Variants in PRIM2 observed in about 807,000 individuals in gnomAD.
The protein encoded by PRIM2 is DNA primase subunit 2.
Under a neutral mutation model 67.3 loss-of-function variants are expected in PRIM2, and 39 were observed. That is an observed-to-expected ratio of 0.58 (90% CI 0.45 to 0.76). The LOEUF is 0.76. PRIM2 is among the 30% of genes least tolerant of loss of function. PRIM2 has a pLI of 0.00. For synonymous variants in PRIM2, 143 were observed against 198.7 expected (o/e 0.72, Z 2.36); for missense variants, 398 against 598.7 (o/e 0.66, Z 3.50).
chr6:57,304,767 A>C, the PRIM2 span, among the ~76,000 whole-genome samples: 2 of 152,212 alleles, frequency 1.3e-5, no homozygotes, highest in Non-Finnish European at 2.9e-5. Context: ...GAGAAGTAGA[A>C]GTAGATGAGA....
At chr6:57,465,213 C>T (rs1773144920) in intron 7 of PRIM2, among the ~76,000 whole-genome samples, 1 of 152,192 alleles carries the variant, frequency 6.6e-6, no homozygotes, top group South Asian at 2.1e-4. Context: ...GAAGACAGAG[C>T]CTCCCTTCTA....
intron 12 of PRIM2, among the ~76,000 whole-genome samples, chr6:57,611,355 T>C (rs1415194392): frequency 6.6e-6 from 1 of 152,190 alleles, no homozygotes; most frequent in Non-Finnish European, 1.5e-5. Context: ...TGGAGACACA[T>C]GTTTCCTGAT....
At chr6:57,418,419 A>T (rs1767580145) in intron 7 of PRIM2, among the ~76,000 whole-genome samples, 1 of 31,248 alleles carries the variant, frequency 3.2e-5, no homozygotes, top group Admixed American at 4.0e-4. Flanking sequence ...TTTTTTTTTA[A>T]CAGATTCTCA....
intron 7 of PRIM2, among the ~76,000 whole-genome samples, chr6:57,454,619 T>G (rs1380433161): frequency 6.6e-6 from 1 of 152,196 alleles, no homozygotes; most frequent in Non-Finnish European, 1.5e-5. Context: ...TTCTGTGGGA[T>G]TGGTGGTGAT....
At chr6:57,507,890 A>G (rs1335133699) in intron 8 of PRIM2, among the ~76,000 whole-genome samples, 4 of 152,200 alleles carry the variant, frequency 2.6e-5, no homozygotes, top group African/African-American at 7.2e-5. Flanking sequence ...GGAAAAACCT[A>G]TCATTACTAC....
chr6:57,409,231 A>G lies in PRIM2; in HGVS notation c.693+27063A>G, dbSNP rs868513132. On this transcript the variant is annotated intron_variant, in intron 7 of 13. Transcript: ENST00000615550. ...CGCTCTGTCGCCCAGGCTGGAGTAC[A>G]CTAGCACGATCTTGGCTCACTGCAA... Among the ~76,000 whole-genome samples the G allele has an allele frequency of 9.2e-5, 14 of 151,646 alleles. No individual in the cohort carries two copies. The Middle Eastern group carries it at 0.01, about 111-fold the overall frequency.
chr6:57,622,658 A>G (rs1392904557), intron 12 of PRIM2, among the ~76,000 whole-genome samples: 1 of 152,176 alleles, frequency 6.6e-6, no homozygotes. Context: ...TCACTCAACT[A>G]TTAATGATTT....
intron 12 of PRIM2, among the ~76,000 whole-genome samples, chr6:57,624,339 T>C (rs1269007259): frequency 2.6e-5 from 4 of 152,236 alleles, no homozygotes; most frequent in Admixed American, 2.6e-4. Context: ...AATCCTTTAA[T>C]CCAAAATGTT....
chr6:57,516,471 A>G (rs1195103768), intron 8 of PRIM2, among the ~76,000 whole-genome samples: 1 of 152,220 alleles, frequency 6.6e-6, no homozygotes, highest in Non-Finnish European at 1.5e-5. Context: ...CTAGTTTAAT[A>G]TATCTTAAAG....
intron 7 of PRIM2, among the ~76,000 whole-genome samples, chr6:57,393,013 T>TATAC (rs762387567): frequency 5.0e-4 from 76 of 151,528 alleles, no homozygotes; most frequent in Admixed American, 9.2e-4. Flanking sequence ...TATATATATA[T>TATAC]ACATAGACAC....
At chr6:57,497,654 G>A (rs1554346506) in intron 7 of PRIM2, 8 of 152,182 alleles carry the variant, frequency 5.3e-5, no homozygotes, top group Admixed American at 4.6e-4. Context: ...TGACAAGGTC[G>A]TTGGTTGCTT....
intron 7 of PRIM2, among the ~76,000 whole-genome samples, chr6:57,448,562 A>T (rs1411176686): frequency 6.6e-6 from 1 of 152,062 alleles, no homozygotes. Flanking sequence ...AGGAGTTAAT[A>T]AGCAAATTCA....
At chr6:57,301,158 T>C in the PRIM2 span, among the ~76,000 whole-genome samples, 8 of 152,158 alleles carry the variant, frequency 5.3e-5, no homozygotes, top group Non-Finnish European at 1.2e-4. Context: ...AGGTTGGCCC[T>C]GAGCTCAAAT....
intron 5 of PRIM2, among the ~76,000 whole-genome samples, chr6:57,374,258 T>A (rs1324493313): frequency 7.9e-6 from 1 of 126,020 alleles, no homozygotes; most frequent in East Asian, 2.2e-4. Flanking sequence ...TGGCTATTGT[T>A]GGTGTATAGG....
intron 7 of PRIM2, among the ~76,000 whole-genome samples, chr6:57,453,821 G>A (rs199549062): frequency 3.3e-5 from 5 of 152,020 alleles, no homozygotes; most frequent in South Asian, 4.1e-4. Context: ...TTCCAACACT[G>A]TGTTGAATAG....
chr6:57,312,467 A>C (rs1221267595), upstream of PRIM2, among the ~76,000 whole-genome samples: 2 of 152,142 alleles, frequency 1.3e-5, no homozygotes, highest in Non-Finnish European at 2.9e-5. Flanking sequence ...GCATCACTGC[A>C]CTCCAGCCTG....
At chr6:57,363,043 T>C (rs1485509591) in intron 5 of PRIM2, among the ~76,000 whole-genome samples, 1 of 152,194 alleles carries the variant, frequency 6.6e-6, no homozygotes, top group Non-Finnish European at 1.5e-5. Flanking sequence ...TTTGTAAGGT[T>C]TAGTAATATA....
At position 57,326,089 on chromosome 6, in the gene PRIM2, A is replaced by AT. The variant is rs754046558; in HGVS notation, c.459+49dup. 4.4e-6 allele frequency: 7 copies of AT among 1,596,932 alleles called. No individual in the cohort carries two copies. The South Asian group carries it at 6.8e-5, about 16-fold the overall frequency. ...TTATTTCTAATTGTTCTCACCATTCATTTTTCCCTTCTGTCTTAAGTGCTG... is the reference window on the plus strand; with the variant it reads ...TTATTTCTAATTGTTCTCACCATTCATTTTTTCCCTTCTGTCTTAAGTGCTG... On this transcript the variant is annotated intron_variant, in intron 5 of 13. Transcript: ENST00000615550.
At chr6:57,488,987 C>T (rs1205103856) in intron 7 of PRIM2, among the ~76,000 whole-genome samples, 1 of 152,194 alleles carries the variant, frequency 6.6e-6, no homozygotes, top group Non-Finnish European at 1.5e-5. Flanking sequence ...AAGATAGTCC[C>T]TAAGAGATAT....
Sources: allele counts gnomAD v4.1 joint callset (sites outside exome capture counted in the v4.1 genomes callset), GRCh38; gene constraint gnomAD v4.1.1; transcripts MANE v1.5; gene names NCBI Gene and HGNC (gene_info 2026-07-23, HGNC 2026-07-21).